The following TXNDC11 variants were observed in gnomAD, a reference collection of about 807,000 sequenced individuals.
TXNDC11 encodes thioredoxin domain containing 11.
A neutral mutation model predicts 78.0 loss-of-function variants in TXNDC11; 68 were observed. That is an observed-to-expected ratio of 0.87 (90% CI 0.72 to 1.07). TXNDC11 has a LOEUF of 1.07. Among genes scored for constraint, TXNDC11 ranks in the 50% least tolerant of loss-of-function variants. The pLI is 0.00. For missense variants in TXNDC11, 1,389 were observed against 1,221.8 expected (o/e 1.14, Z -2.04); for synonymous variants, 571 against 495.2 (o/e 1.15, Z -2.03).
At chr16:11,713,126 AAAAATTGCCAG>A (rs1360961014) in intron 5 of TXNDC11, among the ~76,000 whole-genome samples, 2 of 149,610 alleles carry the variant, frequency 1.3e-5, no homozygotes, top group African/African-American at 4.9e-5. Flanking sequence ...AAAAAAAAAA[AAAAATTGCCAG>A]GTTGCCAGGC....
At position 11,699,962 on chromosome 16, in the gene TXNDC11, A is replaced by T. The variant is rs138093530; in HGVS notation, c.906+490T>A. ...ATCGGGGAACAAAGGCGACAATGGA[A>T]AACTGACGCTCTCTGGGATGAGAAG... On this transcript the variant is annotated intron_variant, in intron 6 of 11. Coordinates refer to ENST00000283033, the MANE Select transcript of TXNDC11 (RefSeq NM_015914.7). 8.5e-5 allele frequency among the ~76,000 whole-genome samples: 13 copies of T among 152,344 alleles called. 1 individual carries two copies. The East Asian group carries it at 2.5e-3, about 29-fold the overall frequency.
At chr16:11,723,212 C>G (rs956702418) in intron 4 of TXNDC11, among the ~76,000 whole-genome samples, 1 of 151,272 alleles carries the variant, frequency 6.6e-6, no homozygotes, top group Non-Finnish European at 1.5e-5. Context: ...GAGCTGAGAT[C>G]ATGCCCCTGC....
In TXNDC11 at chr16:11,702,703, T is replaced by A. The variant is rs191093712; in HGVS notation, c.794-2139A>T. Among the ~76,000 whole-genome samples, 1,279 of 152,234 alleles carry A rather than the reference T, an allele frequency of 8.4e-3. 9 individuals carry two copies. The highest frequency in any genetic ancestry group is 0.017 in the Middle Eastern group (5 of 294). ...CAAAGTAAATAAATAAATTTTTTTTTAAAAAACAGTTAAACATCAAATATT... is the reference window on the plus strand; with the variant it reads ...CAAAGTAAATAAATAAATTTTTTTTAAAAAAACAGTTAAACATCAAATATT... On this transcript the variant is annotated intron_variant, in intron 5 of 11. Transcript: ENST00000283033.
chr16:11,695,958 T>A (rs909754077), intron 7 of TXNDC11, among the ~76,000 whole-genome samples: 1 of 150,128 alleles, frequency 6.7e-6, no homozygotes, highest in African/African-American at 2.5e-5. Flanking sequence ...TCACCCGAGC[T>A]CAGGAGGCAG....
Position 11,679,470 on chromosome 16 carries a change from G to C in TXNDC11, c.2602C>G (p.Arg868Gly), listed in dbSNP as rs138787882. The change falls in exon 12 of 12, where the codon CGT (arginine) becomes GGT (glycine). Residue 868 changes from arginine (R) to glycine (G), a missense_variant. Physicochemically the swap from Arg to Gly is moderately radical, Grantham distance 125 (BLOSUM62 -2). Transcript: ENST00000283033. This position sits in a 1 kb window ranked among gnomAD's most constrained non-coding sequence, Gnocchi z 4.6. ...TTGCGGGCCAGCTCCTGCAGCTCAC[G>C]TGTCTTCTGCTCATAGAGGGCCTGC... ...QLQALYEQKT[R>G]ELQELARKLQ... The C allele has an allele frequency of 1.3e-5, 21 of 1,613,584 alleles. No homozygotes were observed. The highest frequency in any genetic ancestry group is 4.5e-5 in the East Asian group (2 of 44,902).
intron 5 of TXNDC11, among the ~76,000 whole-genome samples, chr16:11,711,331 C>G (rs2051349322): frequency 6.6e-6 from 1 of 152,168 alleles, no homozygotes; most frequent in African/African-American, 2.4e-5. Context: ...CAAATAATGG[C>G]AGACACACAG....
chr16:11,718,099 A>G (rs1567333310), intron 5 of TXNDC11, among the ~76,000 whole-genome samples: 2 of 152,254 alleles, frequency 1.3e-5, no homozygotes, highest in East Asian at 3.9e-4. Flanking sequence ...CGATCTTATA[A>G]CCCAAGCCTC....
chr16:11,687,986 G>C lies in TXNDC11; in HGVS notation c.2044-20C>G, dbSNP rs1299608138. On this transcript the variant is annotated intron_variant, in intron 9 of 11. Coordinates refer to ENST00000283033, the MANE Select transcript of TXNDC11 (RefSeq NM_015914.7). The stretch of plus-strand genomic sequence containing the variant: ...AACGTCCTGTGGGAAAGGGAAGACA[G>C]ATGTTACTTGCACCGGGAAATGGGC... 2 of 1,547,926 alleles carry C rather than the reference G, an allele frequency of 1.3e-6. No individual in the cohort carries two copies.
chr16:11,700,272 G>C (rs554282711), intron 6 of TXNDC11, among the ~76,000 whole-genome samples, 180 bp downstream of exon 6: 1 of 152,086 alleles, frequency 6.6e-6, no homozygotes. Flanking sequence ...TAATGCATGG[G>C]TTCTTAACCT....
chr16:11,702,098 A>G (rs2051047261), intron 5 of TXNDC11, among the ~76,000 whole-genome samples: 1 of 151,140 alleles, frequency 6.6e-6, no homozygotes, highest in African/African-American at 2.4e-5. Flanking sequence ...ATGTGTATAT[A>G]TATATATATA....
At chr16:11,704,075 A>T (rs755816640) in intron 5 of TXNDC11, among the ~76,000 whole-genome samples, 1 of 152,140 alleles carries the variant, frequency 6.6e-6, no homozygotes, top group East Asian at 1.9e-4. Flanking sequence ...CTGGGTGACA[A>T]GAGTGAAACT....
At chr16:11,694,441 G>A (rs541165772) in intron 7 of TXNDC11, among the ~76,000 whole-genome samples, 6 of 151,266 alleles carry the variant, frequency 4.0e-5, no homozygotes, top group South Asian at 2.1e-4. Flanking sequence ...GAGCCACCGC[G>A]CCCGACCAGC....
chr16:11,715,461 G>A (rs1270436278), intron 5 of TXNDC11, among the ~76,000 whole-genome samples: 2 of 19,024 alleles, frequency 1.1e-4, no homozygotes, highest in Non-Finnish European at 1.4e-4. Flanking sequence ...CCCTGTCACG[G>A]CAAAAAAAAA....
chr16:11,730,563 T>G, intron 4 of TXNDC11, 82 bp downstream of exon 4: 10 of 1,456,792 alleles, frequency 6.9e-6, no homozygotes, highest in Non-Finnish European at 9.4e-6. Context: ...AGGTATTTTT[T>G]TAAACCCCTT....
chr16:11,740,756 G>T (rs1296974781), intron 1 of TXNDC11, among the ~76,000 whole-genome samples: 1 of 152,226 alleles, frequency 6.6e-6, no homozygotes, highest in Non-Finnish European at 1.5e-5. Flanking sequence ...ATTTGGAGCA[G>T]GTTCTGAAAC....
chr16:11,714,619 G>A lies in TXNDC11; in HGVS notation c.793+6958C>T, dbSNP rs1209693998. On this transcript the variant is annotated intron_variant, in intron 5 of 11. Coordinates refer to ENST00000283033, the MANE Select transcript of TXNDC11 (RefSeq NM_015914.7). ...CGCGCGGCTGCACTCCAGCCTGGGC[G>A]ACAAAGCAAGACTCCGTCTCAAAAA... Among the ~76,000 whole-genome samples, 5 of 150,300 alleles carry A rather than the reference G, an allele frequency of 3.3e-5. No individual in the cohort carries two copies. The South Asian group carries it at 1.1e-3, about 32-fold the overall frequency.
chr16:11,740,835 A>T (rs1335016508), intron 1 of TXNDC11, among the ~76,000 whole-genome samples: 1 of 152,184 alleles, frequency 6.6e-6, no homozygotes, highest in Admixed American at 6.5e-5. Context: ...TTTAATGGGG[A>T]TTGTAAGATT....
intron 5 of TXNDC11, among the ~76,000 whole-genome samples, chr16:11,717,285 G>C (rs1281381010): frequency 1.3e-5 from 2 of 151,428 alleles, no homozygotes; most frequent in Non-Finnish European, 2.9e-5. Context: ...AATTAGGCGG[G>C]CGTGGTAGTG....
At chr16:11,737,444 TAA>T (rs879331283) in intron 1 of TXNDC11, among the ~76,000 whole-genome samples, 17 of 111,272 alleles carry the variant, frequency 1.5e-4, no homozygotes, top group Admixed American at 1.8e-4. Context: ...AAACTCCATC[TAA>T]AAAAAAAAAA....
Sources: gnomAD v4.1 joint callset for allele counts (sites outside exome capture counted in the v4.1 genomes callset) on GRCh38, gnomAD v4.1.1 for gene constraint, Gnocchi (gnomAD v3.1) non-coding constraint, MANE v1.5 for transcripts, NCBI Gene and HGNC (gene_info 2026-07-23, HGNC 2026-07-21) for gene names.